Variants in CLCN5 observed in about 807,000 individuals in gnomAD.
The protein encoded by CLCN5 is Cl-/H+ antiporter 5.
A neutral mutation model predicts 54.0 loss-of-function variants in CLCN5; 17 were observed. The observed-to-expected ratio is 0.31, with a 90% CI of 0.22 to 0.47. CLCN5 has a LOEUF of 0.47. Ranked by LOEUF, CLCN5 falls within the 20% of genes least tolerant of loss-of-function variation. CLCN5 has a pLI of 1.00. For synonymous variants in CLCN5, 222 were observed against 233.0 expected (o/e 0.95, Z 0.43); for missense variants, 448 against 646.7 (o/e 0.69, Z 3.33).
intron 3 of CLCN5, among the ~76,000 whole-genome samples, chrX:50,019,226 C>T (rs1381788624): frequency 9.0e-6 from 1 of 111,047 alleles, no homozygotes; most frequent in Non-Finnish European, 1.9e-5. Flanking sequence ...AATTTGTGGG[C>T]ATCAAATTGT....
At chrX:49,981,461 AAC>A (rs1459601162) in intron 3 of CLCN5, among the ~76,000 whole-genome samples, 2 of 111,445 alleles carry the variant, frequency 1.8e-5, no homozygotes, top group Non-Finnish European at 3.8e-5. Flanking sequence ...AAACAAACAA[AAC>A]TACATGTTGA....
chrX:50,002,677 C>CTG (rs1230019712), intron 3 of CLCN5, among the ~76,000 whole-genome samples: 4 of 101,027 alleles, frequency 4.0e-5, no homozygotes, highest in Admixed American at 2.2e-4. Context: ...CTCTCTCTCT[C>CTG]TCTCTGTGTG....
chrX:50,093,956 A>G lies in CLCN5; in HGVS notation c.*1737A>G, dbSNP rs1320164417. 9.0e-6 allele frequency: 1 copy of G among 110,811 alleles called. No homozygotes were observed. The highest frequency in any genetic ancestry group is 3.3e-5 in the African/African-American group (1 of 30,496). 9.1% of individuals were successfully genotyped at this position (110,811 alleles called of 1,213,427 possible). On this transcript the variant is annotated 3_prime_UTR_variant, in exon 15 of 15. Transcript: ENST00000376091. ...GTAAGAGTTCAGCCTGGATGATTTT[A>G]TAGCTCTGTTCCTAGCACTTCTCAT... is the stretch of plus-strand genomic sequence containing the variant.
At chrX:50,046,347 C>T (rs1932391705) in intron 4 of CLCN5, among the ~76,000 whole-genome samples, 1 of 112,187 alleles carries the variant, frequency 8.9e-6, no homozygotes, top group Non-Finnish European at 1.9e-5. Flanking sequence ...TTTAGTAATG[C>T]TCTTCGATTC....
intron 3 of CLCN5, among the ~76,000 whole-genome samples, chrX:50,000,326 GACCTCCCAATTGGGAGGTTATTACA>G (rs1381446156): frequency 8.2e-5 from 9 of 109,411 alleles, no homozygotes; most frequent in African/African-American, 2.3e-4. Context: ...AAATAAAACT[GACCTCCCAATTGGGAGGTTATTACA>G]ACCTCCCAAT....
At chrX:49,936,973 A>G (rs181463961) in intron 3 of CLCN5, among the ~76,000 whole-genome samples, 79 of 111,605 alleles carry the variant, frequency 7.1e-4, no homozygotes, top group African/African-American at 2.4e-3. Flanking sequence ...CACGCCTGTA[A>G]TCCCAGCAAT....
intron 3 of CLCN5, among the ~76,000 whole-genome samples, chrX:50,037,957 A>G (rs1431073256): frequency 9.0e-6 from 1 of 111,293 alleles, no homozygotes; most frequent in Non-Finnish European, 1.9e-5. Context: ...TTTAAATACC[A>G]CCCCCAACTA....
At chrX:50,070,792 G>A (rs1477630153) in intron 5 of CLCN5, among the ~76,000 whole-genome samples, 3 of 111,254 alleles carry the variant, frequency 2.7e-5, no homozygotes, top group Non-Finnish European at 5.7e-5. Flanking sequence ...TCTTTTTGAA[G>A]TACCGTGAAA....
In CLCN5 at chrX:49,970,369, AC is replaced by A. The variant is rs782240861; in HGVS notation, c.16+45056del. ...ACCATCACCACAATCTAATTTAAAA[AC>A]ATTTCTATCACCTCGAAACACTATG... On this transcript the variant is annotated intron_variant, in intron 3 of 14. Coordinates refer to ENST00000376091, the MANE Select transcript of CLCN5 (RefSeq NM_001127898.4). 4.3e-3 allele frequency among the ~76,000 whole-genome samples: 483 copies of A among 111,302 alleles called. 1 individual carries two copies. Among genetic ancestry groups the A allele is most frequent in the African/African-American group, 0.015 (463 of 30,655 alleles).
chrX:50,080,396 G>A (rs1179259001), intron 7 of CLCN5, among the ~76,000 whole-genome samples, 198 bp from the exon 8 acceptor site: 1 of 109,715 alleles, frequency 9.1e-6, no homozygotes, highest in African/African-American at 3.3e-5. Flanking sequence ...GTGTAGCAAA[G>A]CATCTCATTT....
At chrX:49,973,266 T>C (rs1475340867) in intron 3 of CLCN5, among the ~76,000 whole-genome samples, 3 of 112,054 alleles carry the variant, frequency 2.7e-5, no homozygotes, top group African/African-American at 9.7e-5. Context: ...ATATACAAGA[T>C]AATGGAATAT....
intron 3 of CLCN5, among the ~76,000 whole-genome samples, chrX:49,977,315 A>G (rs1047250964): frequency 5.4e-5 from 6 of 111,759 alleles, no homozygotes; most frequent in Middle Eastern, 4.6e-3. Flanking sequence ...GTTATTGTGC[A>G]TAGGGGACTT....
intron 4 of CLCN5, among the ~76,000 whole-genome samples, chrX:50,062,138 A>G (rs1932864952): frequency 9.5e-6 from 1 of 105,193 alleles, no homozygotes; most frequent in South Asian, 4.7e-4. Context: ...TAATGACAGG[A>G]TCAAATTCAC....
chrX:49,945,384 C>T (rs1421251412), intron 3 of CLCN5: 2 of 110,949 alleles, frequency 1.8e-5, no homozygotes, highest in Non-Finnish European at 3.8e-5. Context: ...TGTGCAGGGA[C>T]CATGCTAATC....
chrX:50,019,642 C>A (rs1217766058), intron 3 of CLCN5, among the ~76,000 whole-genome samples: 7 of 44,180 alleles, frequency 1.6e-4, no homozygotes, highest in African/African-American at 5.4e-4. Flanking sequence ...CCGACCCCAC[C>A]ACAGTCCCCA....
chrX:49,979,447 A>G (rs1474582767), intron 3 of CLCN5, among the ~76,000 whole-genome samples: 1 of 111,839 alleles, frequency 8.9e-6, no homozygotes, highest in Non-Finnish European at 1.9e-5. Context: ...AGTCTCGTAT[A>G]TTGCTCATTT....
At chrX:49,957,070 G>A (rs999472083) in intron 3 of CLCN5, among the ~76,000 whole-genome samples, 1 of 111,783 alleles carries the variant, frequency 8.9e-6, no homozygotes, top group African/African-American at 3.3e-5. Context: ...AGGCCGAGGC[G>A]GGTGGATCAC....
In CLCN5 at chrX:50,080,502, CT is replaced by C. The variant is rs57303985; in HGVS notation, c.604-85del. 6,798 of 498,275 alleles carry C rather than the reference CT, an allele frequency of 0.014. 422 individuals carry two copies. In the African/African-American group the frequency reaches 0.2, roughly 15 times the overall value. The allele number at this position is 498,275 out of a possible 1,213,427, so 41.1% of individuals were successfully genotyped here. On this transcript the variant is annotated intron_variant, in intron 7 of 14. Coordinates refer to ENST00000376091, the MANE Select transcript of CLCN5 (RefSeq NM_001127898.4). ...CTCGGTGGTTTTTTTTTTTTTTGGA[CT>C]TTTTTTCCTGAAAAAACATTACTCA...
At chrX:50,078,633 G>A (rs1308259040) in intron 7 of CLCN5, among the ~76,000 whole-genome samples, 1 of 112,542 alleles carries the variant, frequency 8.9e-6, no homozygotes, top group Non-Finnish European at 1.9e-5. Context: ...CACCACCACA[G>A]TCAAGATTTA....
Sources: allele counts gnomAD v4.1 joint callset (sites outside exome capture counted in the v4.1 genomes callset), GRCh38; gene constraint gnomAD v4.1.1; transcripts MANE v1.5; gene names NCBI Gene and HGNC (gene_info 2026-07-23, HGNC 2026-07-21).